The following TNR variants were observed in gnomAD, a reference collection of about 807,000 sequenced individuals.
TNR encodes tenascin-R.
Under a neutral mutation model 150.4 loss-of-function variants are expected in TNR, and 45 were observed. The observed-to-expected ratio is 0.30, with a 90% CI of 0.24 to 0.38. TNR has a LOEUF of 0.38. Ranked by LOEUF, TNR falls within the 10% of genes least tolerant of loss-of-function variation. The probability of loss-of-function intolerance (pLI) is 1.00; values close to 1 mark genes in which losing one functional copy is unlikely to be tolerated. For synonymous variants in TNR, 687 were observed against 678.4 expected, an observed-to-expected ratio of 1.01 and a Z score of -0.20; for missense variants, 1,544 against 1,759.1, an observed-to-expected ratio of 0.88 and a Z score of 2.19.
intron 1 of TNR, among the ~76,000 whole-genome samples, chr1:175,740,157 C>G (rs909740): frequency 6.6e-6 from 1 of 151,976 alleles, no homozygotes; most frequent in African/African-American, 2.4e-5. Flanking sequence ...TGAGGTGTTC[C>G]CTTGAAAGTC....
At chr1:175,409,651 T>C (rs1368583200) in intron 2 of TNR, among the ~76,000 whole-genome samples, 1 of 152,186 alleles carries the variant, frequency 6.6e-6, no homozygotes, top group African/African-American at 2.4e-5. Context: ...ACTGCACTGA[T>C]TATTGATCAC....
chr1:175,346,944 C>T (rs1032748679), intron 18 of TNR, among the ~76,000 whole-genome samples: 10 of 150,810 alleles, frequency 6.6e-5, no homozygotes, highest in African/African-American at 2.2e-4. Context: ...AGCTGTCTAG[C>T]TTTTTTTGTT....
At chr1:175,664,771 T>G (rs1408710992) in intron 1 of TNR, among the ~76,000 whole-genome samples, 1 of 152,132 alleles carries the variant, frequency 6.6e-6, no homozygotes, top group African/African-American at 2.4e-5. Context: ...AAAATCCAAC[T>G]TGGTAAATGT....
rs1222024119 is a variant in TNR, at chr1:175,321,260, A to G, written c.*2097T>C. On this transcript the variant is annotated 3_prime_UTR_variant, in exon 23 of 23. Coordinates refer to ENST00000367674, the MANE Select transcript of TNR (RefSeq NM_003285.3). ...TCAGGGTTATGCCTGTCACATCCACACTGCCGCAGTGAACAAAGCCTAGAA... is the reference window on the plus strand; with the variant it reads ...TCAGGGTTATGCCTGTCACATCCACGCTGCCGCAGTGAACAAAGCCTAGAA... The G allele has an allele frequency of 6.6e-6, 1 of 152,190 alleles. No homozygotes were observed. The highest frequency in any genetic ancestry group is 1.5e-5 in the Non-Finnish European group (1 of 68,044). 9.4% of individuals were successfully genotyped at this position (152,190 alleles called of 1,614,324 possible).
At chr1:175,444,298 G>A (rs1037763336) in intron 2 of TNR, among the ~76,000 whole-genome samples, 27 of 152,174 alleles carry the variant, frequency 1.8e-4, no homozygotes, top group African/African-American at 5.6e-4. Flanking sequence ...TTTCGTGACC[G>A]AGAAATCTAA....
At chr1:175,350,889 C>T (rs1245536639) in intron 18 of TNR, among the ~76,000 whole-genome samples, 3 of 152,272 alleles carry the variant, frequency 2.0e-5, no homozygotes, top group African/African-American at 7.2e-5. Context: ...AAACTTTAAG[C>T]TCTCTTGTTC....
chr1:175,418,629 T>G (rs1393534527), intron 2 of TNR, among the ~76,000 whole-genome samples: 2 of 151,324 alleles, frequency 1.3e-5, no homozygotes, highest in Non-Finnish European at 2.9e-5. Context: ...GGCTGAGGCA[T>G]GAGAGAATTG....
Position 175,324,427 on chromosome 1 carries a change from C to T in TNR, c.3886G>A (p.Gly1296Arg), listed in dbSNP as rs1205547605. Residue 1296 changes from glycine (G) to arginine (R), a missense_variant, in exon 22 of 23, where the codon GGA becomes AGA. Around this residue, in one of 2 missense-constraint regions of TNR, gnomAD observed 290 missense variants for 429.7 expected, o/e 0.67. Coordinates refer to ENST00000367674, the MANE Select transcript of TNR (RefSeq NM_003285.3). ...AVTNCAMSYKGAWWYKNCHRT... is the reference protein window; with the variant it reads ...AVTNCAMSYKRAWWYKNCHRT... ...TGGCAGTTCTTATACCACCATGCTC[C>T]CTTGTACGACATGGCACAGTTAGTC... 1.2e-6 allele frequency: 2 copies of T among 1,614,142 alleles called. No individual in the cohort carries two copies. The highest frequency in any genetic ancestry group is 1.3e-5 in the African/African-American group (1 of 75,028).
intron 1 of TNR, among the ~76,000 whole-genome samples, chr1:175,629,995 G>A (rs986226476): frequency 1.3e-5 from 2 of 152,254 alleles, no homozygotes; most frequent in East Asian, 3.9e-4. Context: ...TCCTGGGGAG[G>A]GACTTTCTGG....
intron 1 of TNR, among the ~76,000 whole-genome samples, chr1:175,595,342 A>T (rs1662967084): frequency 6.6e-6 from 1 of 152,202 alleles, no homozygotes; most frequent in Non-Finnish European, 1.5e-5. Context: ...TTTCCAAATA[A>T]GATGCAAAAG....
chr1:175,612,601 A>T (rs995264449), intron 1 of TNR, among the ~76,000 whole-genome samples: 2 of 152,174 alleles, frequency 1.3e-5, no homozygotes, highest in Non-Finnish European at 2.9e-5. Flanking sequence ...TATTACCCAA[A>T]ACCCCCCACT....
intron 2 of TNR, among the ~76,000 whole-genome samples, chr1:175,494,291 A>G (rs1303444935): frequency 2.6e-5 from 4 of 152,160 alleles, no homozygotes; most frequent in Non-Finnish European, 5.9e-5. Flanking sequence ...CATTATATTA[A>G]AATATTCATC....
intron 18 of TNR, among the ~76,000 whole-genome samples, chr1:175,349,784 G>A (rs1242942302): frequency 1.3e-5 from 2 of 152,178 alleles, no homozygotes; most frequent in African/African-American, 4.8e-5. Flanking sequence ...GGACATGCAT[G>A]GAAATGGTTT....
At chr1:175,428,154 A>C (rs903123050) in intron 2 of TNR, among the ~76,000 whole-genome samples, 1 of 152,230 alleles carries the variant, frequency 6.6e-6, no homozygotes, top group African/African-American at 2.4e-5. Flanking sequence ...GCTATTATGT[A>C]TCAACAGTAA....
At chr1:175,639,544 A>G (rs1291579030) in intron 1 of TNR, among the ~76,000 whole-genome samples, 1 of 152,198 alleles carries the variant, frequency 6.6e-6, no homozygotes, top group Non-Finnish European at 1.5e-5. Flanking sequence ...TCTTTTTACC[A>G]ACCCATGAAT....
At chr1:175,360,053 A>G (rs550362344) in intron 14 of TNR, among the ~76,000 whole-genome samples, 1 of 152,240 alleles carries the variant, frequency 6.6e-6, no homozygotes, top group Non-Finnish European at 1.5e-5. Flanking sequence ...TGAATTTTCA[A>G]CATTTAAATC....
At chr1:175,551,834 C>A (rs1432015788) in intron 1 of TNR, among the ~76,000 whole-genome samples, 2 of 152,036 alleles carry the variant, frequency 1.3e-5, no homozygotes, top group African/African-American at 2.4e-5. Context: ...TAATTAACTA[C>A]ATATATTGGA....
At chr1:175,685,935 G>A (rs192555923) in intron 1 of TNR, among the ~76,000 whole-genome samples, 1 of 151,626 alleles carries the variant, frequency 6.6e-6, no homozygotes, top group Admixed American at 6.6e-5. Flanking sequence ...AATGAGAGAA[G>A]TGGCCTTAAA....
At chr1:175,499,866 C>T (rs570252175) in intron 2 of TNR, among the ~76,000 whole-genome samples, 2 of 152,252 alleles carry the variant, frequency 1.3e-5, no homozygotes, top group South Asian at 2.1e-4. Flanking sequence ...CAATCTACTA[C>T]GTAACTACTG....
Sources: allele counts gnomAD v4.1 joint callset (sites outside exome capture counted in the v4.1 genomes callset), GRCh38; gene constraint gnomAD v4.1.1; regional missense constraint gnomAD v4.1.1; transcripts MANE v1.5; gene names NCBI Gene and HGNC (gene_info 2026-07-23, HGNC 2026-07-21).